The following CREM variants were observed in gnomAD, a reference collection of about 807,000 sequenced individuals.
CREM encodes the protein cAMP-responsive element modulator.
CREM carries 13 observed loss-of-function variants against 37.3 expected under a neutral mutation model. That is an observed-to-expected ratio of 0.35 (90% CI 0.23 to 0.55). CREM has a LOEUF of 0.55. Among genes scored for constraint, CREM ranks in the 20% least tolerant of loss-of-function variants. The probability of loss-of-function intolerance (pLI) is 0.88; values close to 1 mark genes in which losing one functional copy is unlikely to be tolerated. For synonymous variants in CREM, 124 were observed against 120.2 expected (o/e 1.03, Z -0.21); for missense variants, 296 against 362.3 (o/e 0.82, Z 1.49).
intron 6 of CREM, among the ~76,000 whole-genome samples, chr10:35,191,086 T>TTTTACTTA (rs2094896702): frequency 6.8e-6 from 1 of 147,992 alleles, no homozygotes; most frequent in Admixed American, 6.7e-5. Flanking sequence ...ACATTTTTCT[T>TTTTACTTA]TTTATTTATT....
intron 3 of CREM, among the ~76,000 whole-genome samples, chr10:35,161,403 G>A (rs888466961): frequency 1.3e-5 from 2 of 151,618 alleles, no homozygotes; most frequent in African/African-American, 4.8e-5. Context: ...GCTGAGGCAG[G>A]AGAATTGCTT....
chr10:35,186,657 A>G (rs2094563556), intron 5 of CREM, among the ~76,000 whole-genome samples: 1 of 142,810 alleles, frequency 7.0e-6, no homozygotes. Context: ...TATATATAAC[A>G]TATGACATAT....
At chr10:35,156,219 G>A (rs983756877) in intron 3 of CREM, among the ~76,000 whole-genome samples, 1 of 150,884 alleles carries the variant, frequency 6.6e-6, no homozygotes, top group Non-Finnish European at 1.5e-5. Flanking sequence ...GATTACAGGC[G>A]TGAGCCACAG....
At chr10:35,185,898 TG>T (rs1228934557) in intron 5 of CREM, among the ~76,000 whole-genome samples, 1 of 152,224 alleles carries the variant, frequency 6.6e-6, no homozygotes, top group Admixed American at 6.5e-5. Flanking sequence ...GTGTAGACAC[TG>T]GCACCTTAGG....
intron 3 of CREM, among the ~76,000 whole-genome samples, chr10:35,150,077 T>C (rs1325795048): frequency 6.6e-6 from 1 of 152,202 alleles, no homozygotes; most frequent in Non-Finnish European, 1.5e-5. Context: ...TTTTTGTCTG[T>C]GTGAATAGAA....
intron 6 of CREM, among the ~76,000 whole-genome samples, chr10:35,198,384 G>A (rs182886944): frequency 3.3e-5 from 5 of 152,130 alleles, no homozygotes; most frequent in East Asian, 1.9e-4. Context: ...TTAGCCAGGC[G>A]TGGTGGCACG....
At chr10:35,186,091 T>C (rs2094544343) in intron 5 of CREM, among the ~76,000 whole-genome samples, 1 of 152,230 alleles carries the variant, frequency 6.6e-6, no homozygotes, top group African/African-American at 2.4e-5. Context: ...TTTACATTGA[T>C]GTATAGATGT....
Position 35,206,988 on chromosome 10 carries a change from A to G in CREM, c.692A>G (p.His231Arg), listed in dbSNP as rs1351801207. The change falls in exon 7 of 8, where the codon CAC becomes CGC. Residue 231 changes from histidine to arginine, a missense_variant. Physicochemically the swap from His to Arg is conservative, Grantham distance 29 (BLOSUM62 0). This residue lies in a region of CREM where 257 missense variants were observed against 280.2 expected (regional missense o/e 0.92). Coordinates refer to ENST00000685392, the MANE Select transcript of CREM (RefSeq NM_183011.2). ...ATGGCTGCATCGCCCGGAAGTTTGC[A>G]CAGTCCCCAGCAGCTGGCAGAAGAA... ...VVMAASPGSL[H>R]SPQQLAEEAT... 6 of 1,614,034 alleles carry G rather than the reference A, an allele frequency of 3.7e-6. No homozygotes were observed. In the African/African-American group the frequency reaches 5.3e-5, roughly 14 times the overall value.
rs529544184 is a variant in CREM, at chr10:35,179,227, T to C, written c.360T>C (p.Ala120=). 1.2e-6 allele frequency: 2 copies of C among 1,614,074 alleles called. No individual in the cohort carries two copies. Among genetic ancestry groups the C allele is most frequent in the Admixed American group, 1.7e-5 (1 of 60,026 alleles). Residue 120 remains alanine (A), a synonymous_variant, in exon 5 of 8, where the codon GCT becomes GCC. Coordinates refer to ENST00000685392, the MANE Select transcript of CREM (RefSeq NM_183011.2). ...AAGAAGGAACACCACCTAGTATTGC[T>C]ACCATGGCAGTACCAACTAGCATAT... ...SEEEGTPPSI[A]TMAVPTSIYQ...
At chr10:35,172,820 CA>C (rs1217270269) in intron 3 of CREM, among the ~76,000 whole-genome samples, 3 of 152,106 alleles carry the variant, frequency 2.0e-5, no homozygotes, top group African/African-American at 7.2e-5. Context: ...TCATTTTCTT[CA>C]AAAGAATGAC....
intron 5 of CREM, among the ~76,000 whole-genome samples, chr10:35,187,108 T>TTATATAAATATATAAATATATTAA (rs2094630619): frequency 1.3e-5 from 1 of 75,092 alleles, no homozygotes; most frequent in Non-Finnish European, 2.3e-5. Flanking sequence ...ATGATATATA[T>TTATATAAATATATAAATATATTAA]TATATAAATA....
At chr10:35,167,824 G>C (rs1476047976) in intron 3 of CREM, 15 of 1,597,130 alleles carry the variant, frequency 9.4e-6, no homozygotes, top group Non-Finnish European at 1.3e-5. Context: ...TCTGCTATAA[G>C]TACCTTCACA....
intron 3 of CREM, among the ~76,000 whole-genome samples, chr10:35,159,444 T>C (rs1048227843): frequency 1.3e-5 from 2 of 152,212 alleles, no homozygotes; most frequent in African/African-American, 2.4e-5. Flanking sequence ...CACCAACTTA[T>C]ATTCAACAAA....
intron 3 of CREM, among the ~76,000 whole-genome samples, chr10:35,160,520 T>C (rs561073494): frequency 6.6e-6 from 1 of 152,332 alleles, no homozygotes; most frequent in East Asian, 1.9e-4. Context: ...TGTCTCAGCC[T>C]CTCGAGTAAC....
At chr10:35,196,148 A>G in intron 6 of CREM, 1 of 1,596,746 alleles carries the variant, frequency 6.3e-7, no homozygotes. Context: ...GCCTGGTGAG[A>G]AATGGATTAT....
At chr10:35,159,658 G>A (rs2093166525) in intron 3 of CREM, among the ~76,000 whole-genome samples, 1 of 152,168 alleles carries the variant, frequency 6.6e-6, no homozygotes, top group Admixed American at 6.5e-5. Context: ...TAGTCTGGCC[G>A]ATGAGTTTTT....
rs147605353 is a variant in CREM at position 35,164,253 on chromosome 10, C to G, written c.169-14636C>G. On this transcript the variant is annotated intron_variant, in intron 3 of 7. Coordinates refer to ENST00000685392, the MANE Select transcript of CREM (RefSeq NM_183011.2). The stretch of plus-strand genomic sequence containing the variant: ...CAGAGTTTGGCATCTGGTCAATGTG[C>G]AATAAATGCTTGCTTTTATCCTCAT... Among the ~76,000 whole-genome samples the G allele has an allele frequency of 1.2e-4, 18 of 152,292 alleles. No homozygotes were observed. In the East Asian group the frequency reaches 3.5e-3, roughly 29 times the overall value.
chr10:35,169,918 C>T (rs1474540652), intron 3 of CREM, among the ~76,000 whole-genome samples: 1 of 151,150 alleles, frequency 6.6e-6, no homozygotes, highest in East Asian at 1.9e-4. Flanking sequence ...TGTGTTGAAC[C>T]AGCCTTGCAT....
rs1487451345 is a variant in CREM, at chr10:35,148,445, A to C, written c.122A>C (p.His41Pro). ...TASLTESKSA[H>P]VQTQTGQNSI... ...TCTTTGACAGAGAGCAAGTCTGCTC[A>C]TGTGCAGACTCAGACTGGCCAAAAT... is the stretch of plus-strand genomic sequence containing the variant. The change falls in exon 3 of 8, where the codon CAT (histidine) becomes CCT (proline). Residue 41 changes from histidine to proline, a missense_variant. Transcript: ENST00000685392. 3.1e-6 allele frequency: 5 copies of C among 1,613,848 alleles called. No individual in the cohort carries two copies. The highest frequency in any genetic ancestry group is 4.2e-6 in the Non-Finnish European group (5 of 1,179,878).
Sources: gnomAD v4.1 joint callset for allele counts (sites outside exome capture counted in the v4.1 genomes callset) on GRCh38, gnomAD v4.1.1 for gene constraint, gnomAD v4.1.1 regional missense constraint, MANE v1.5 for transcripts, NCBI Gene and HGNC (gene_info 2026-07-23, HGNC 2026-07-21) for gene names.